SAMD9L: variants seen among roughly 807,000 people sequenced by gnomAD.
The protein encoded by SAMD9L is sterile alpha motif domain containing 9 like, also known as sterile alpha motif domain-containing protein 9-like.
Under a neutral mutation model 90.7 loss-of-function variants are expected in SAMD9L, and 68 were observed. The observed-to-expected ratio is 0.75, with a 90% confidence interval of 0.62 to 0.92. The LOEUF is 0.92. Ranked by LOEUF, SAMD9L falls within the 40% of genes least tolerant of loss-of-function variation. The probability of loss-of-function intolerance (pLI) is 0.00; values close to 1 mark genes in which losing one functional copy is unlikely to be tolerated. For synonymous variants in SAMD9L, 640 were observed against 630.1 expected (o/e 1.02, Z -0.23); for missense variants, 1,604 against 1,824.3 (o/e 0.88, Z 2.20).
Position 93,137,364 on chromosome 7 carries a change from C to A in SAMD9L, c.-20-1373G>T, listed in dbSNP as rs368231304. Among the ~76,000 whole-genome samples, 12 of 151,958 alleles carry A rather than the reference C, an allele frequency of 7.9e-5. No individual in the cohort carries two copies. In the East Asian group the frequency reaches 2.1e-3, roughly 27 times the overall value. On this transcript the variant is annotated intron_variant, in intron 4 of 4. Transcript: ENST00000318238. ...CATTAGTTTCTCATAGGAGTGAAAA[C>A]CTTGTTGTGAACTGTGCATATAAGG...
In SAMD9L at chr7:93,145,405, C is replaced by G. The variant is rs761900963; in HGVS notation, c.-143G>C. 6.6e-6 allele frequency: 1 copy of G among 152,146 alleles called. No homozygotes were observed. The highest frequency in any genetic ancestry group is 2.1e-4 in the South Asian group (1 of 4,832). The allele number at this position is 152,146 out of a possible 1,614,324, so 9.4% of individuals were successfully genotyped here. On this transcript the variant is annotated 5_prime_UTR_variant, in exon 3 of 5. Coordinates refer to ENST00000318238, the MANE Select transcript of SAMD9L (RefSeq NM_152703.5). ...CTTACCAGGGCTTTTCTGAAAACTT[C>G]TATCTTTATATTAGAAACATAAAAT...
rs1792263305 is a variant in SAMD9L, at chr7:93,133,746, A to T, written c.2226T>A (p.His742Gln). 5.0e-6 allele frequency: 8 copies of T among 1,613,826 alleles called. No homozygotes were observed. Among genetic ancestry groups the T allele is most frequent in the Non-Finnish European group, 6.8e-6 (8 of 1,179,882 alleles). The change falls in exon 5 of 5, where the codon CAT becomes CAA. Residue 742 changes from histidine to glutamine, a missense_variant. Transcript: ENST00000318238. ...IFAKIINLYHHPGCGGTTLAM... is the reference protein window; with the variant it reads ...IFAKIINLYHQPGCGGTTLAM... ...CCAGTGTGGTACCTCCACAGCCTGG[A>T]TGATGATAAAGATTGATGATTTTTG...
Position 93,135,440 on chromosome 7 carries a change from T to G in SAMD9L, c.532A>C (p.Ile178Leu), listed in dbSNP as rs774108274. The G allele has an allele frequency of 1.2e-6, 2 of 1,614,078 alleles. No homozygotes were observed. The highest frequency in any genetic ancestry group is 1.7e-6 in the Non-Finnish European group (2 of 1,180,010). Reference protein sequence around the residue: ...FDQFHDSHRYIEHYTLQPETG... With the variant: ...FDQFHDSHRYLEHYTLQPETG... ...TCAGGTTGTAGAGTATAATGTTCTA[T>G]GTAGCGATGGCTGTCATGGAACTGA... is the stretch of plus-strand genomic sequence containing the variant. The change falls in exon 5 of 5, where the codon ATA (isoleucine) becomes CTA (leucine). Residue 178 changes from isoleucine to leucine, a missense_variant. By Grantham distance (5) the Ile-to-Leu change is conservative. Transcript: ENST00000318238.
In SAMD9L at chr7:93,131,191, A is replaced by G; in HGVS notation, c.*26T>C. 1 of 1,265,082 alleles carries G rather than the reference A, an allele frequency of 7.9e-7. No individual in the cohort carries two copies. The highest frequency in any genetic ancestry group is 1.1e-6 in the Non-Finnish European group (1 of 917,084). 78.4% of individuals were successfully genotyped at this position (1,265,082 alleles called of 1,614,324 possible). On this transcript the variant is annotated 3_prime_UTR_variant, in exon 5 of 5. Transcript: ENST00000318238. ...AAATCATAAAGATATAAATAAACGT[A>G]TTTGAACTACAGGTGATGTATTGTC...
At chr7:93,147,216 G>A (rs1792926667) in intron 1 of SAMD9L, 70 bp from the exon 2 acceptor site, 1 of 152,162 alleles carries the variant, frequency 6.6e-6, no homozygotes, top group Non-Finnish European at 1.5e-5. Flanking sequence ...AGAGCATCTG[G>A]ATGTATGCTG....
In SAMD9L at chr7:93,134,161, A is replaced by G. The variant is rs1380502375; in HGVS notation, c.1811T>C (p.Leu604Pro). 1 of 1,613,618 alleles carries G rather than the reference A, an allele frequency of 6.2e-7. No individual in the cohort carries two copies. The highest frequency in any genetic ancestry group is 2.2e-5 in the East Asian group (1 of 44,882). ...LQTRMKMEDE[L>P]TNHSISTLNI... ...TAAAGTGGAAATACTGTGGTTTGTT[A>G]GTTCATCTTCCATCTTCATTCTTGT... Residue 604 changes from leucine (L) to proline (P), a missense_variant, in exon 5 of 5, where the codon CTA becomes CCA. Leu to Pro is a moderately conservative substitution (Grantham distance 98). Transcript: ENST00000318238.
chr7:93,146,907 G>C lies in SAMD9L; in HGVS notation c.-803C>G, dbSNP rs1446765457. The C allele has an allele frequency of 6.6e-6, 1 of 152,208 alleles. No individual in the cohort carries two copies. Among genetic ancestry groups the C allele is most frequent in the Non-Finnish European group, 1.5e-5 (1 of 68,054 alleles). 9.4% of individuals were successfully genotyped at this position (152,208 alleles called of 1,614,324 possible). A position where few individuals can be genotyped will look rare whatever the true frequency, so the allele number is the denominator to read the frequency against. The stretch of plus-strand genomic sequence containing the variant: ...CCAACTTTCTGCTGTGTCACTCACA[G>C]TCACCGAATGAGGCCATTTCTCACA... On this transcript the variant is annotated 5_prime_UTR_variant, in exon 2 of 5. Transcript: ENST00000318238.
rs1562784228 is a variant in SAMD9L, at chr7:93,130,077, T to A, written c.*1140A>T. ...GATGTGGATAAATAAATATATTTTT[T>A]ATTCAATATTCAATTTAATCTATAT... On this transcript the variant is annotated 3_prime_UTR_variant, in exon 5 of 5. Coordinates refer to ENST00000318238, the MANE Select transcript of SAMD9L (RefSeq NM_152703.5). 2 of 152,336 alleles carry A rather than the reference T, an allele frequency of 1.3e-5. No homozygotes were observed. Among genetic ancestry groups the A allele is most frequent in the Admixed American group, 1.3e-4 (2 of 15,292 alleles). 9.4% of individuals were successfully genotyped at this position (152,336 alleles called of 1,614,324 possible).
At chr7:93,136,062 A>T in intron 4 of SAMD9L, 71 bp from the exon 5 acceptor site, 1 of 959,530 alleles carries the variant, frequency 1.0e-6, no homozygotes, top group Non-Finnish European at 1.5e-6. Flanking sequence ...ACAATTATGT[A>T]TACATTATCA....
chr7:93,133,606 G>T lies in SAMD9L; in HGVS notation c.2366C>A (p.Ala789Glu). Reference protein sequence around the residue: ...EQVINLVTYRAKSHQDYIPVL... With the variant: ...EQVINLVTYREKSHQDYIPVL... ...AGGAATGTAATCCTGATGGCTCTTTGCCCTATAGGTGACCAGATTGATCAC... is the reference window on the plus strand; with the variant it reads ...AGGAATGTAATCCTGATGGCTCTTTTCCCTATAGGTGACCAGATTGATCAC... Residue 789 changes from alanine (A) to glutamate (E), a missense_variant, in exon 5 of 5, where the codon GCA becomes GAA. Ala to Glu is a moderately radical substitution (Grantham distance 107). Transcript: ENST00000318238. 1 of 1,613,698 alleles carries T rather than the reference G, an allele frequency of 6.2e-7. No homozygotes were observed. The highest frequency in any genetic ancestry group is 8.5e-7 in the Non-Finnish European group (1 of 1,179,792).
At position 93,130,149 on chromosome 7, in the gene SAMD9L, A is replaced by G. The variant is rs4267; in HGVS notation, c.*1068T>C. The G allele has an allele frequency of 0.18, 27,911 of 152,146 alleles. 3,820 individuals are homozygous for G. Among genetic ancestry groups the G allele is most frequent in the African/African-American group, 0.35 (14,406 of 41,476 alleles). 9.4% of individuals were successfully genotyped at this position (152,146 alleles called of 1,614,324 possible). A position where few individuals can be genotyped will look rare whatever the true frequency, so the allele number is the denominator to read the frequency against. ...GGCAATGCGTAGTTCTTAAATTCCA[A>G]GCTCTAGAATGCTGCTTGAGACTGT... On this transcript the variant is annotated 3_prime_UTR_variant, in exon 5 of 5. Coordinates refer to ENST00000318238, the MANE Select transcript of SAMD9L (RefSeq NM_152703.5).
rs758791705 is a variant in SAMD9L, at chr7:93,133,324, C to G, written c.2648G>C (p.Cys883Ser). 5 of 1,612,534 alleles carry G rather than the reference C, an allele frequency of 3.1e-6. No individual in the cohort carries two copies. The South Asian group carries it at 5.5e-5, about 18-fold the overall frequency. Residue 883 changes from cysteine (C) to serine (S), a missense_variant, in exon 5 of 5, where the codon TGT becomes TCT. Coordinates refer to ENST00000318238, the MANE Select transcript of SAMD9L (RefSeq NM_152703.5). ...GATCATGAAGGAATAAAAGTTTTCACAGTTCTTGTGCTGCTTTTCAATTTC... is the reference window on the plus strand; with the variant it reads ...GATCATGAAGGAATAAAAGTTTTCAGAGTTCTTGTGCTGCTTTTCAATTTC... ...LKEIEKQHKN[C>S]ENFYSFMIMK...
chr7:93,137,142 A>G (rs997784188), intron 4 of SAMD9L, among the ~76,000 whole-genome samples: 3 of 152,248 alleles, frequency 2.0e-5, no homozygotes, highest in Non-Finnish European at 4.4e-5. Flanking sequence ...AAAAGATAAA[A>G]TACAAGCATT....
In SAMD9L at chr7:93,131,517, G is replaced by C; in HGVS notation, c.4455C>G (p.Asn1485Lys). 6.2e-7 allele frequency: 1 copy of C among 1,613,970 alleles called. No individual in the cohort carries two copies. The highest frequency in any genetic ancestry group is 8.5e-7 in the Non-Finnish European group (1 of 1,179,914). The change falls in exon 5 of 5, where the codon AAC (asparagine) becomes AAG (lysine). Residue 1485 changes from asparagine (N) to lysine (K), a missense_variant. By Grantham distance (94) the Asn-to-Lys change is moderately conservative. Transcript: ENST00000318238. Reference protein sequence around the residue: ...LFYLGKRKGLNSIVHKAKIEQ... With the variant: ...LFYLGKRKGLKSIVHKAKIEQ... ...CTATTTTGGCCTTGTGAACAATACT[G>C]TTTAGACCCTTCCTTTTGCCCAGAT...
rs1266965640 is a variant in SAMD9L at position 93,132,861 on chromosome 7, A to C, written c.3111T>G (p.Thr1037=). The part of the protein sequence containing the change: ...GRDKFQHDVQ[T]LLLTRQRKVY... ...CCTTGCGCTGTCTTGTAAGCAGAAG[A>C]GTTTGAACATCATGTTGAAATTTGT... Residue 1037 remains threonine, a synonymous_variant, in exon 5 of 5, where the codon ACT becomes ACG. Transcript: ENST00000318238. 6.2e-7 allele frequency: 1 copy of C among 1,613,690 alleles called. No homozygotes were observed. The highest frequency in any genetic ancestry group is 8.5e-7 in the Non-Finnish European group (1 of 1,179,826).
rs114021324 is a variant in SAMD9L, at chr7:93,140,135, G to T, written c.-20-4144C>A. 4.8e-3 allele frequency among the ~76,000 whole-genome samples: 735 copies of T among 151,946 alleles called. 5 individuals carry two copies. The highest frequency in any genetic ancestry group is 0.017 in the African/African-American group (712 of 41,410). ...CCTGACTGGAACATGGCTGGACAAT[G>T]GCCCTCTGCACCCTGACTGGAGCAT... On this transcript the variant is annotated intron_variant, in intron 4 of 4. Coordinates refer to ENST00000318238, the MANE Select transcript of SAMD9L (RefSeq NM_152703.5).
intron 1 of SAMD9L, among the ~76,000 whole-genome samples, chr7:93,147,826 A>C (rs1296456926): frequency 6.6e-6 from 1 of 152,232 alleles, no homozygotes; most frequent in East Asian, 1.9e-4. Flanking sequence ...TTATGAAGAC[A>C]GAATTTTGTG....
intron 4 of SAMD9L, among the ~76,000 whole-genome samples, chr7:93,139,214 G>A (rs1002831790): frequency 3.9e-5 from 6 of 152,042 alleles, no homozygotes; most frequent in African/African-American, 1.4e-4. Flanking sequence ...CAATACAATG[G>A]CCTCTCACCC....
At position 93,133,330 on chromosome 7, in the gene SAMD9L, T is replaced by C. The variant is rs1792231213; in HGVS notation, c.2642A>G (p.Lys881Arg). The change falls in exon 5 of 5, where the codon AAG (lysine) becomes AGG (arginine). Residue 881 changes from lysine to arginine, a missense_variant. Lys to Arg is a conservative substitution (Grantham distance 26). This residue lies in a region of SAMD9L where 606 missense variants were observed against 717.6 expected (regional missense o/e 0.84). Coordinates refer to ENST00000318238, the MANE Select transcript of SAMD9L (RefSeq NM_152703.5). ...AKLKEIEKQH[K>R]NCENFYSFMI... ...GAAGGAATAAAAGTTTTCACAGTTC[T>C]TGTGCTGCTTTTCAATTTCCTTCAG... The C allele has an allele frequency of 6.2e-7, 1 of 1,613,020 alleles. No individual in the cohort carries two copies.
Sources: allele counts gnomAD v4.1 joint callset (sites outside exome capture counted in the v4.1 genomes callset), GRCh38; gene constraint gnomAD v4.1.1; regional missense constraint gnomAD v4.1.1; transcripts MANE v1.5; gene names NCBI Gene and HGNC (gene_info 2026-07-23, HGNC 2026-07-21).